Variants in PRDM6 observed in about 807,000 individuals in gnomAD.
PRDM6 encodes the protein PR/SET domain 6, also known as putative histone-lysine N-methyltransferase PRDM6.
PRDM6 carries 25 observed loss-of-function variants against 60.8 expected under a neutral mutation model. The ratio of observed to expected loss-of-function variants is 0.41; its 90% confidence interval spans 0.30 to 0.57. PRDM6 has a LOEUF of 0.57. Among genes scored for constraint, PRDM6 ranks in the 20% least tolerant of loss-of-function variants. PRDM6 has a pLI of 0.27. For missense variants in PRDM6, 839 were observed against 821.3 expected (o/e 1.02, Z -0.26); for synonymous variants, 407 against 357.4 (o/e 1.14, Z -1.57).
intron 3 of PRDM6, among the ~76,000 whole-genome samples, chr5:123,151,879 A>C (rs966423653): frequency 1.3e-5 from 2 of 152,136 alleles, no homozygotes; most frequent in South Asian, 2.1e-4. Flanking sequence ...TTTTTTAACC[A>C]GGGCAAATTT....
chr5:123,181,434 G>C lies in PRDM6; in HGVS notation c.1673+1111G>C, dbSNP rs193259795. 7.6e-4 allele frequency among the ~76,000 whole-genome samples: 115 copies of C among 152,294 alleles called. 1 individual carries two copies. The highest frequency in any genetic ancestry group is 2.7e-3 in the African/African-American group (113 of 41,568). On this transcript the variant is annotated intron_variant, in intron 7 of 7. Coordinates refer to ENST00000407847, the MANE Select transcript of PRDM6 (RefSeq NM_001136239.4). ...TCTAGACATACGGGGCATGGGGGAAGGTATTTCTGGCCGTCCAAACAGCAG... is the reference window on the plus strand; with the variant it reads ...TCTAGACATACGGGGCATGGGGGAACGTATTTCTGGCCGTCCAAACAGCAG...
chr5:123,158,334 T>G (rs1404695762), intron 4 of PRDM6, among the ~76,000 whole-genome samples: 6 of 152,106 alleles, frequency 3.9e-5, no homozygotes, highest in African/African-American at 1.4e-4. Context: ...GTGGAAAGAA[T>G]TAATAAAATG....
At chr5:123,162,535 T>C (rs910002108) in intron 5 of PRDM6, among the ~76,000 whole-genome samples, 3 of 152,108 alleles carry the variant, frequency 2.0e-5, no homozygotes, top group Non-Finnish European at 4.4e-5. Context: ...GAAAGAAAAT[T>C]TGCAAAGCTA....
chr5:123,144,778 T>G (rs1765199771), intron 3 of PRDM6, among the ~76,000 whole-genome samples: 1 of 152,196 alleles, frequency 6.6e-6, no homozygotes, highest in African/African-American at 2.4e-5. Flanking sequence ...GAAAGCAACA[T>G]TGTATCCCAT....
chr5:123,124,304 C>G (rs969449138), intron 3 of PRDM6, among the ~76,000 whole-genome samples: 15 of 152,188 alleles, frequency 9.9e-5, no homozygotes, highest in Non-Finnish European at 2.1e-4. Context: ...CCTAAGTCCA[C>G]TTTAGACACT....
chr5:123,156,880 T>G (rs1234486389), intron 4 of PRDM6, among the ~76,000 whole-genome samples: 2 of 152,158 alleles, frequency 1.3e-5, no homozygotes, highest in African/African-American at 4.8e-5. Flanking sequence ...CTAAGCCTTC[T>G]TCTCTCAAAA....
intron 3 of PRDM6, among the ~76,000 whole-genome samples, chr5:123,155,536 G>A (rs2126872480): frequency 6.6e-6 from 1 of 152,162 alleles, no homozygotes; most frequent in South Asian, 2.1e-4. Flanking sequence ...AACAATGTCA[G>A]TGCGGCCTCT....
Position 123,090,026 on chromosome 5 carries a change from C to T in PRDM6, c.12C>T (p.Pro4=). 6.5e-7 allele frequency: 1 copy of T among 1,547,718 alleles called. No homozygotes were observed. The highest frequency in any genetic ancestry group is 1.2e-5 in the South Asian group (1 of 84,012). The change falls in exon 2 of 8, where the codon CCC becomes CCT. Residue 4 remains proline, a synonymous_variant. Coordinates refer to ENST00000407847, the MANE Select transcript of PRDM6 (RefSeq NM_001136239.4). The stretch of plus-strand genomic sequence containing the variant: ...TCGAGGCGCCGGACATGCTGAAGCC[C>T]GGAGACCCCGGCGGTTCGGCCTTCC... MLK[P]GDPGGSAFLK...
intron 7 of PRDM6, among the ~76,000 whole-genome samples, chr5:123,184,241 G>A (rs573786807): frequency 6.6e-5 from 10 of 152,216 alleles, no homozygotes; most frequent in Non-Finnish European, 1.2e-4. Context: ...ACTTGACATC[G>A]CTTTGTTAAG....
chr5:123,169,812 G>T (rs1765842681), intron 5 of PRDM6, among the ~76,000 whole-genome samples: 1 of 152,260 alleles, frequency 6.6e-6, no homozygotes, highest in South Asian at 2.1e-4. Context: ...TTTATAGATG[G>T]AATAACTGCG....
In PRDM6 at chr5:123,193,551, G is replaced by A. The variant is rs925632338; in HGVS notation, c.*6350G>A. On this transcript the variant is annotated 3_prime_UTR_variant, in exon 8 of 8. Transcript: ENST00000407847. ...GAGAAAATGTATAGCAAAAGCCAGA[G>A]GCAAAATTATTCTCCTTAGCAGTTC... The A allele has an allele frequency of 1.3e-5, 2 of 152,112 alleles. No homozygotes were observed. Among genetic ancestry groups the A allele is most frequent in the African/African-American group, 4.8e-5 (2 of 41,404 alleles). The allele number at this position is 152,112 out of a possible 1,614,324, so 9.4% of individuals were successfully genotyped here.
In PRDM6 at chr5:123,090,288, T is replaced by G; in HGVS notation, c.274T>G (p.Ser92Ala). 1 of 1,490,336 alleles carries G rather than the reference T, an allele frequency of 6.7e-7. No individual in the cohort carries two copies. Among genetic ancestry groups the G allele is most frequent in the Non-Finnish European group, 8.9e-7 (1 of 1,121,634 alleles). The allele number at this position is 1,490,336 out of a possible 1,614,324, so 92.3% of individuals were successfully genotyped here. Reference protein sequence around the residue: ...TPASSSTSASSASSCAAAAAA... With the variant: ...TPASSSTSASAASSCAAAAAA... ...GGCTTCCTCTTCCACCTCCGCCTCC[T>G]CCGCCTCCTCCTGCGCTGCTGCGGC... Residue 92 changes from serine to alanine, a missense_variant, in exon 2 of 8, where the codon TCC becomes GCC. By Grantham distance (99) the Ser-to-Ala change is moderately conservative. Around this residue, in one of 2 missense-constraint regions of PRDM6, gnomAD observed 730 missense variants for 648.8 expected, o/e 1.13. Transcript: ENST00000407847.
rs905632041 is a variant in PRDM6, at chr5:123,096,525, T to C, written c.593-3129T>C. Reference sequence around the variant, plus strand: ...GGATTTTGTGTATTAAAAAATAACATTGGAATATAACATGTATCTTGATGG... The same window carrying C: ...GGATTTTGTGTATTAAAAAATAACACTGGAATATAACATGTATCTTGATGG... On this transcript the variant is annotated intron_variant, in intron 2 of 7. Transcript: ENST00000407847. 2.0e-5 allele frequency among the ~76,000 whole-genome samples: 3 copies of C among 152,314 alleles called. No homozygotes were observed. The South Asian group carries it at 6.2e-4, about 32-fold the overall frequency.
At chr5:123,117,412 T>C (rs2150216049) in intron 3 of PRDM6, among the ~76,000 whole-genome samples, 1 of 151,602 alleles carries the variant, frequency 6.6e-6, no homozygotes, top group South Asian at 2.1e-4. Flanking sequence ...GTTTTTGGCA[T>C]TTTTTTTTCC....
intron 6 of PRDM6, among the ~76,000 whole-genome samples, chr5:123,177,635 G>C (rs1017444499): frequency 2.0e-5 from 3 of 152,124 alleles, no homozygotes; most frequent in African/African-American, 7.2e-5. Flanking sequence ...ACCATAGAAA[G>C]CTCCATGTAT....
intron 3 of PRDM6, among the ~76,000 whole-genome samples, chr5:123,114,925 CAG>C (rs1368465753): frequency 6.6e-5 from 10 of 152,144 alleles, no homozygotes; most frequent in Admixed American, 2.0e-4. Context: ...TGTAGTGGAA[CAG>C]GGGTGGATGT....
At chr5:123,168,322 C>T (rs1387376894) in intron 5 of PRDM6, among the ~76,000 whole-genome samples, 1 of 152,048 alleles carries the variant, frequency 6.6e-6, no homozygotes, top group African/African-American at 2.4e-5. Flanking sequence ...AAACAATGTA[C>T]TAGCTGTAAA....
chr5:123,105,990 G>C (rs1764190769), intron 3 of PRDM6, among the ~76,000 whole-genome samples: 1 of 152,190 alleles, frequency 6.6e-6, no homozygotes, highest in Middle Eastern at 3.2e-3. Flanking sequence ...TTTACTCACT[G>C]TAATAAGGGC....
intron 3 of PRDM6, among the ~76,000 whole-genome samples, chr5:123,137,242 A>G (rs1764979760): frequency 1.3e-5 from 2 of 152,228 alleles, no homozygotes; most frequent in Non-Finnish European, 2.9e-5. Flanking sequence ...GAGAATTCCA[A>G]GACCTGAATC....
Sources: allele counts gnomAD v4.1 joint callset (sites outside exome capture counted in the v4.1 genomes callset), GRCh38; gene constraint gnomAD v4.1.1; regional missense constraint gnomAD v4.1.1; transcripts MANE v1.5; gene names NCBI Gene and HGNC (gene_info 2026-07-23, HGNC 2026-07-21).